Variants in DNAJA2 observed in about 807,000 individuals in gnomAD.
DNAJA2 encodes DnaJ heat shock protein family (Hsp40) member A2.
Under a neutral mutation model 49.3 loss-of-function variants are expected in DNAJA2, and 6 were observed. That is an observed-to-expected ratio of 0.12 (90% confidence interval 0.07 to 0.24). The LOEUF (loss-of-function observed/expected upper bound fraction) is 0.24. Among genes scored for constraint, DNAJA2 ranks in the 10% least tolerant of loss-of-function variants. The pLI is 1.00. For missense variants in DNAJA2, 347 were observed against 516.8 expected, an observed-to-expected ratio of 0.67 and a Z score of 3.19; for synonymous variants, 160 against 172.7, an observed-to-expected ratio of 0.93 and a Z score of 0.58.
chr16:46,959,379 TTA>T lies in DNAJA2; in HGVS notation c.813_814del (p.Tyr271Ter). 1 of 1,613,736 alleles carries T rather than the reference TTA, an allele frequency of 6.2e-7. No individual in the cohort carries two copies. ...ACATAGAGCTTCAACAAGTCCTATT[TTA>T]TATGTCATGTGCAAATCATTCCCAT... is the stretch of plus-strand genomic sequence containing the variant. On this transcript the variant is annotated stop_gained and frameshift_variant, in exon 7 of 9. Coordinates refer to ENST00000317089, the MANE Select transcript of DNAJA2 (RefSeq NM_005880.4). LOFTEE classifies it high-confidence loss of function.
At chr16:46,960,464 T>C (rs967969077) in intron 6 of DNAJA2, among the ~76,000 whole-genome samples, 1 of 152,212 alleles carries the variant, frequency 6.6e-6, no homozygotes, top group Non-Finnish European at 1.5e-5. Flanking sequence ...GTTTTTTTAA[T>C]GCAGGATTTT....
chr16:46,964,162 T>C (rs957580867), intron 6 of DNAJA2, among the ~76,000 whole-genome samples: 10 of 151,740 alleles, frequency 6.6e-5, no homozygotes, highest in East Asian at 1.9e-4. Context: ...TCACCTGAGG[T>C]TGGGAGCTTG....
rs772512918 is a variant in DNAJA2 at position 46,959,019 on chromosome 16, T to A, written c.1031A>T (p.Asn344Ile). Residue 344 changes from asparagine (N) to isoleucine (I), a missense_variant, in exon 8 of 9, where the codon AAC (asparagine) becomes ATC (isoleucine). Coordinates refer to ENST00000317089, the MANE Select transcript of DNAJA2 (RefSeq NM_005880.4). ...DVQFPENNWI[N>I]PDKLSELEDL... is the part of the protein sequence containing the mutation. ...AACACTTACAGAAAGCTTGTCTGGGTTGATCCAGTTGTTTTCAGGAAACTG... is the reference window on the plus strand; with the variant it reads ...AACACTTACAGAAAGCTTGTCTGGGATGATCCAGTTGTTTTCAGGAAACTG... 5 of 1,601,276 alleles carry A rather than the reference T, an allele frequency of 3.1e-6. No individual in the cohort carries two copies. The highest frequency in any genetic ancestry group is 4.3e-6 in the Non-Finnish European group (5 of 1,176,318).
intron 1 of DNAJA2, 37 bp downstream of exon 1, chr16:46,973,458 C>A (rs752975038): frequency 3.2e-6 from 5 of 1,565,094 alleles, no homozygotes; most frequent in Non-Finnish European, 4.3e-6. Flanking sequence ...GCGCAGGCCC[C>A]GCGCCCCTCA....
At chr16:46,960,281 C>T (rs1156808762) in intron 6 of DNAJA2, among the ~76,000 whole-genome samples, 1 of 152,178 alleles carries the variant, frequency 6.6e-6, no homozygotes, top group African/African-American at 2.4e-5. Context: ...GTTAGGAACA[C>T]ATATTCTTGG....
intron 6 of DNAJA2, among the ~76,000 whole-genome samples, chr16:46,960,115 A>G (rs1173835078): frequency 6.6e-6 from 1 of 152,246 alleles, no homozygotes; most frequent in Non-Finnish European, 1.5e-5. Context: ...CTCTTCTTGT[A>G]AAGAACAATC....
rs143516699 is a variant in DNAJA2, at chr16:46,964,629, T to C, written c.756A>G (p.Leu252=). Reference sequence around the variant, plus strand: ...AAATCACCTCATGTTCTTTCTCCTGTAGCAAAAGAACAATGTCTCCGGGTT... The same window carrying C: ...AAATCACCTCATGTTCTTTCTCCTGCAGCAAAAGAACAATGTCTCCGGGTT... ...GVEPGDIVLL[L]QEKEHEVFQR... is the part of the protein sequence containing the mutation. Residue 252 remains leucine (L), a synonymous_variant, in exon 6 of 9, where the codon CTA becomes CTG. Coordinates refer to ENST00000317089, the MANE Select transcript of DNAJA2 (RefSeq NM_005880.4). The C allele has an allele frequency of 1.6e-4, 259 of 1,601,984 alleles. No individual in the cohort carries two copies. The highest frequency in any genetic ancestry group is 1.0e-3 in the Middle Eastern group (6 of 5,992).
chr16:46,967,747 A>C, intron 4 of DNAJA2, 101 bp from the exon 5 acceptor site: 2 of 1,448,142 alleles, frequency 1.4e-6, no homozygotes, highest in Non-Finnish European at 1.9e-6. Context: ...TTCAACCCCA[A>C]TAACTTGTAT....
chr16:46,967,559 C>T lies in DNAJA2; in HGVS notation c.531G>A (p.Gly177=), dbSNP rs779863241. The change falls in exon 5 of 9, where the codon GGG becomes GGA. Residue 177 remains glycine (G), a synonymous_variant. Coordinates refer to ENST00000317089, the MANE Select transcript of DNAJA2 (RefSeq NM_005880.4). ...VRIMIRQLAP[G]MVQQMQSVCS... ...ACACAGACTGCATCTGTTGTACCAT[C>T]CCTGGAGCCAGCTGTCTGATCATGA... 6.2e-6 allele frequency: 10 copies of T among 1,614,092 alleles called. No individual in the cohort carries two copies. In the African/African-American group the frequency reaches 1.1e-4, roughly 17 times the overall value.
chr16:46,956,916 C>A lies in DNAJA2; in HGVS notation c.*113G>T. ...ACCAATTTTAAAAGTTATACATAGACCAACAGATGTCCCTCAGTTCATCTG... is the reference window on the plus strand; with the variant it reads ...ACCAATTTTAAAAGTTATACATAGAACAACAGATGTCCCTCAGTTCATCTG... On this transcript the variant is annotated 3_prime_UTR_variant, in exon 9 of 9. Coordinates refer to ENST00000317089, the MANE Select transcript of DNAJA2 (RefSeq NM_005880.4). 2.5e-6 allele frequency: 3 copies of A among 1,176,560 alleles called. No individual in the cohort carries two copies. Among genetic ancestry groups the A allele is most frequent in the Non-Finnish European group, 3.8e-6 (3 of 794,702 alleles). 72.9% of individuals were successfully genotyped at this position (1,176,560 alleles called of 1,614,324 possible). A position where few individuals can be genotyped will look rare whatever the true frequency, so the allele number is the denominator to read the frequency against.
chr16:46,957,455 T>A (rs1286367439), intron 8 of DNAJA2, among the ~76,000 whole-genome samples: 1 of 151,948 alleles, frequency 6.6e-6, no homozygotes, highest in South Asian at 2.1e-4. Flanking sequence ...TACAAAAAAT[T>A]AGCCAGGCAT....
At chr16:46,960,379 T>TGC (rs1961878061) in intron 6 of DNAJA2, among the ~76,000 whole-genome samples, 1 of 152,212 alleles carries the variant, frequency 6.6e-6, no homozygotes, top group Non-Finnish European at 1.5e-5. Context: ...CTTGTGTGTG[T>TGC]GCTAAAGTTT....
intron 1 of DNAJA2, 60 bp from the exon 2 acceptor site, chr16:46,972,015 A>G (rs1962058985): frequency 8.9e-7 from 1 of 1,125,534 alleles, no homozygotes; most frequent in Admixed American, 1.8e-5. Context: ...AAGTTTTGTA[A>G]TAACTTAATA....
intron 5 of DNAJA2, among the ~76,000 whole-genome samples, chr16:46,965,078 C>A (rs991510821): frequency 6.6e-6 from 1 of 151,964 alleles, no homozygotes; most frequent in Non-Finnish European, 1.5e-5. Context: ...AGTTAGCCGG[C>A]GTGGTAGTGC....
chr16:46,956,730 T>G lies in DNAJA2; in HGVS notation c.*299A>C, dbSNP rs906646947. The G allele has an allele frequency of 1.5e-5, 4 of 258,302 alleles. No individual in the cohort carries two copies. In the South Asian group the frequency reaches 3.1e-4, roughly 20 times the overall value. 16.0% of individuals were successfully genotyped at this position (258,302 alleles called of 1,614,324 possible). ...TGAAACATAAAAATCTACACAAAAC[T>G]GATAAAAATCAAGCACAGATACCAG... is the stretch of plus-strand genomic sequence containing the variant. On this transcript the variant is annotated 3_prime_UTR_variant, in exon 9 of 9. Transcript: ENST00000317089.
intron 6 of DNAJA2, 67 bp downstream of exon 6, chr16:46,964,544 A>T: frequency 6.7e-7 from 1 of 1,486,068 alleles, no homozygotes; most frequent in Non-Finnish European, 9.1e-7. Context: ...GATCTAACCT[A>T]TTTCTCACAA....
chr16:46,973,513 G>A lies in DNAJA2; in HGVS notation c.60C>T (p.Ser20=). 1 of 1,602,730 alleles carries A rather than the reference G, an allele frequency of 6.2e-7. No individual in the cohort carries two copies. Residue 20 remains serine, a synonymous_variant, in exon 1 of 9, where the codon AGC becomes AGT. Transcript: ENST00000317089. The part of the protein sequence containing the change: ...YDILGVPPGA[S]ENELKKAYRK... The stretch of plus-strand genomic sequence containing the variant: ...CAGATACCTTCTTCAGCTCGTTCTC[G>A]CTGGCGCCGGGCGGGACGCCCAGGA...
At chr16:46,963,231 C>T (rs1175891227) in intron 6 of DNAJA2, among the ~76,000 whole-genome samples, 1 of 152,148 alleles carries the variant, frequency 6.6e-6, no homozygotes, top group Non-Finnish European at 1.5e-5. Context: ...AAGCTAGAGT[C>T]CTATCAAGTG....
chr16:46,955,831 T>C lies in DNAJA2; in HGVS notation c.*1198A>G, dbSNP rs1168650353. 6.6e-6 allele frequency: 1 copy of C among 152,146 alleles called. No homozygotes were observed. Among genetic ancestry groups the C allele is most frequent in the African/African-American group, 2.4e-5 (1 of 41,450 alleles). 9.4% of individuals were successfully genotyped at this position (152,146 alleles called of 1,614,324 possible). A position where few individuals can be genotyped will look rare whatever the true frequency, so the allele number is the denominator to read the frequency against. On this transcript the variant is annotated 3_prime_UTR_variant, in exon 9 of 9. Coordinates refer to ENST00000317089, the MANE Select transcript of DNAJA2 (RefSeq NM_005880.4). The stretch of plus-strand genomic sequence containing the variant: ...AACACAACATCCGTTTCATCAATTT[T>C]ACCTGATTTTTCTCAAACCAGCCTT...
Sources: allele counts gnomAD v4.1 joint callset (sites outside exome capture counted in the v4.1 genomes callset), GRCh38; gene constraint gnomAD v4.1.1; transcripts MANE v1.5; gene names NCBI Gene and HGNC (gene_info 2026-07-23, HGNC 2026-07-21).